Variants in GBE1 observed in about 807,000 individuals in gnomAD.
The protein encoded by GBE1 is 1,4-alpha-glucan branching enzyme 1, also known as 1,4-alpha-glucan-branching enzyme.
A neutral mutation model predicts 88.8 loss-of-function variants in GBE1; 70 were observed. The observed-to-expected ratio is 0.79, with a 90% confidence interval of 0.65 to 0.96. The LOEUF (loss-of-function observed/expected upper bound fraction) is 0.96, where lower values mean the gene tolerates loss of function less well. GBE1 is among the 40% of genes least tolerant of loss of function. The pLI, the probability that GBE1 is intolerant of heterozygous loss-of-function variation, is 0.00. For missense variants in GBE1, 872 were observed against 871.0 expected (o/e 1.00, Z -0.01); for synonymous variants, 284 against 300.1 (o/e 0.95, Z 0.56).
intron 14 of GBE1, among the ~76,000 whole-genome samples, chr3:81,512,395 T>A (rs1334891066): frequency 1.3e-5 from 2 of 151,886 alleles, no homozygotes; most frequent in Admixed American, 1.3e-4. Context: ...TAAAAAGATA[T>A]ATATACATAC....
At chr3:81,542,318 A>G (rs1402733351) in intron 12 of GBE1, among the ~76,000 whole-genome samples, 11 of 152,114 alleles carry the variant, frequency 7.2e-5, no homozygotes, top group African/African-American at 2.7e-4. Context: ...GTTATAAAAA[A>G]TCACCAGTCT....
rs1373188494 is a variant in GBE1 at position 81,761,635 on chromosome 3, G to C, written c.-118C>G. 9.6e-6 allele frequency: 12 copies of C among 1,251,152 alleles called. No homozygotes were observed. Among genetic ancestry groups the C allele is most frequent in the Middle Eastern group, 2.7e-4 (1 of 3,662 alleles). 77.5% of individuals were successfully genotyped at this position (1,251,152 alleles called of 1,614,324 possible). On this transcript the variant is annotated 5_prime_UTR_variant, in exon 1 of 16. Transcript: ENST00000429644. Reference sequence around the variant, plus strand: ...GAGCCGGAGGGCGCCTAGGCGTGTCGAGGCAAGCCGAGGCGAGCCGCGGCG... The same window carrying C: ...GAGCCGGAGGGCGCCTAGGCGTGTCCAGGCAAGCCGAGGCGAGCCGCGGCG...
chr3:81,537,983 T>C (rs151063163), intron 12 of GBE1, among the ~76,000 whole-genome samples: 275 of 152,096 alleles, frequency 1.8e-3, no homozygotes, highest in African/African-American at 6.0e-3. Flanking sequence ...ATCTAACCGA[T>C]TGGTTTTTAT....
chr3:81,756,516 A>G (rs1026416893), intron 1 of GBE1, among the ~76,000 whole-genome samples: 1 of 152,226 alleles, frequency 6.6e-6, no homozygotes, highest in African/African-American at 2.4e-5. Flanking sequence ...TAATATAGAC[A>G]TAGTACCCAC....
At chr3:81,710,054 A>G (rs1705836917) in intron 1 of GBE1, among the ~76,000 whole-genome samples, 1 of 152,156 alleles carries the variant, frequency 6.6e-6, no homozygotes, top group Non-Finnish European at 1.5e-5. Context: ...GTTACATAGG[A>G]AGAGACAGAG....
chr3:81,538,567 C>A (rs1267223476), intron 12 of GBE1, among the ~76,000 whole-genome samples: 8 of 151,960 alleles, frequency 5.3e-5, no homozygotes. Context: ...TGTCCCTCTG[C>A]TATATTTAAA....
intron 7 of GBE1, among the ~76,000 whole-genome samples, chr3:81,639,474 A>T (rs1294138620): frequency 6.6e-6 from 1 of 152,022 alleles, no homozygotes; most frequent in Non-Finnish European, 1.5e-5. Flanking sequence ...GTAAAGTAGC[A>T]TATTCGTTGT....
At chr3:81,695,110 C>T (rs1320664739) in intron 2 of GBE1, among the ~76,000 whole-genome samples, 1 of 152,160 alleles carries the variant, frequency 6.6e-6, no homozygotes, top group Non-Finnish European at 1.5e-5. Context: ...ATTTTAATCC[C>T]CTCAACCTTC....
chr3:81,669,933 A>G (rs970429862), intron 3 of GBE1, among the ~76,000 whole-genome samples: 2 of 152,118 alleles, frequency 1.3e-5, no homozygotes, highest in African/African-American at 4.8e-5. Flanking sequence ...CATACTGTGC[A>G]TTTTGATTTA....
chr3:81,655,908 A>G (rs1704932815), intron 3 of GBE1, among the ~76,000 whole-genome samples: 1 of 152,214 alleles, frequency 6.6e-6, no homozygotes, highest in South Asian at 2.1e-4. Flanking sequence ...AAACTTTAAA[A>G]TAACTTAATA....
At chr3:81,593,125 G>C (rs1703903520) in intron 8 of GBE1, among the ~76,000 whole-genome samples, 1 of 151,994 alleles carries the variant, frequency 6.6e-6, no homozygotes, top group South Asian at 2.1e-4. Flanking sequence ...CACTTTGGGA[G>C]GCCAAGGCGG....
chr3:81,760,447 G>A (rs1248752789), intron 1 of GBE1, among the ~76,000 whole-genome samples: 1 of 152,114 alleles, frequency 6.6e-6, no homozygotes, highest in East Asian at 1.9e-4. Flanking sequence ...TCGAAAAATT[G>A]GCCATGTATA....
At chr3:81,496,528 TCTTC>T (rs1702500771) in intron 15 of GBE1, among the ~76,000 whole-genome samples, 2 of 152,292 alleles carry the variant, frequency 1.3e-5, no homozygotes, top group South Asian at 4.1e-4. Context: ...TGCGTTTTGT[TCTTC>T]CTTCCTCCTT....
At chr3:81,562,686 T>C (rs9309872) in intron 12 of GBE1, among the ~76,000 whole-genome samples, 98,491 of 151,792 alleles carry the variant, frequency 0.65, 33,640 homozygotes, top group East Asian at 0.92. Context: ...AAAAGACTGT[T>C]AAGTTGAGGC....
chr3:81,503,144 T>C (rs909009402), intron 14 of GBE1, among the ~76,000 whole-genome samples: 1 of 152,214 alleles, frequency 6.6e-6, no homozygotes, highest in African/African-American at 2.4e-5. Context: ...CCCATTCATT[T>C]ACTAAGTACA....
At position 81,586,129 on chromosome 3, in the gene GBE1, T is replaced by G. The variant is rs1482323737; in HGVS notation, c.1298A>C (p.Tyr433Ser). 1 of 1,610,098 alleles carries G rather than the reference T, an allele frequency of 6.2e-7. No homozygotes were observed. The highest frequency in any genetic ancestry group is 8.5e-7 in the Non-Finnish European group (1 of 1,178,478). The change falls in exon 10 of 16, where the codon TAT (tyrosine) becomes TCT (serine). Residue 433 changes from tyrosine (Y) to serine (S), a missense_variant. Physicochemically the swap from Tyr to Ser is moderately radical, Grantham distance 144. Transcript: ENST00000429644. ...ATCTGGAATTGCCATGGCTAGTCGA[T>G]AGTCAAAACCACCCCCTCCCTGGGA... ...PISQGGGGFD[Y>S]RLAMAIPDKW...
intron 1 of GBE1, among the ~76,000 whole-genome samples, chr3:81,707,434 T>A (rs1012072059): frequency 7.9e-5 from 12 of 151,960 alleles, no homozygotes; most frequent in African/African-American, 2.7e-4. Context: ...TACTTTCCAT[T>A]TTTCTAAATG....
intron 15 of GBE1, among the ~76,000 whole-genome samples, chr3:81,491,405 A>C (rs905930969): frequency 3.3e-5 from 5 of 152,200 alleles, no homozygotes. Flanking sequence ...AGTTGGTGCC[A>C]CTGAACAAGG....
intron 14 of GBE1, among the ~76,000 whole-genome samples, chr3:81,502,203 T>C (rs1576122454): frequency 6.6e-6 from 1 of 152,154 alleles, no homozygotes; most frequent in African/African-American, 2.4e-5. Context: ...CAAAATTTAA[T>C]AGTTTTTGTG....
Sources: allele counts gnomAD v4.1 joint callset (sites outside exome capture counted in the v4.1 genomes callset), GRCh38; gene constraint gnomAD v4.1.1; transcripts MANE v1.5; gene names NCBI Gene and HGNC (gene_info 2026-07-23, HGNC 2026-07-21).